Variants in UBE3C observed in about 807,000 individuals in gnomAD.
The protein encoded by UBE3C is ubiquitin-protein ligase E3C.
UBE3C carries 42 observed loss-of-function variants against 129.4 expected under a neutral mutation model. The ratio of observed to expected loss-of-function variants is 0.32; its 90% CI spans 0.25 to 0.42. The LOEUF is 0.42. Among genes scored for constraint, UBE3C ranks in the 10% least tolerant of loss-of-function variants. UBE3C has a pLI of 1.00. For missense variants in UBE3C, 1,049 were observed against 1,319.1 expected, an observed-to-expected ratio of 0.80 and a Z score of 3.17; for synonymous variants, 510 against 492.4, an observed-to-expected ratio of 1.04 and a Z score of -0.47.
chr7:157,257,634 G>T (rs974094625), intron 22 of UBE3C, among the ~76,000 whole-genome samples: 7 of 151,588 alleles, frequency 4.6e-5, no homozygotes, highest in Non-Finnish European at 1.0e-4. Flanking sequence ...TTACTTGGGA[G>T]GCTGAGGCAC....
At chr7:157,198,490 C>G (rs1413267589) in intron 10 of UBE3C, 1 of 416,002 alleles carries the variant, frequency 2.4e-6, no homozygotes, top group Non-Finnish European at 4.4e-6. Flanking sequence ...TCACCGAGCT[C>G]AGGGCCGCCG....
At chr7:157,177,929 GTT>G (rs3839850) in intron 5 of UBE3C, among the ~76,000 whole-genome samples, 1 of 140,978 alleles carries the variant, frequency 7.1e-6, no homozygotes, top group Admixed American at 7.1e-5. Context: ...GATGGATTCT[GTT>G]TTTTTTTTTT....
chr7:157,145,399 T>G (rs1010858610), intron 1 of UBE3C, among the ~76,000 whole-genome samples: 1 of 152,078 alleles, frequency 6.6e-6, no homozygotes, highest in Non-Finnish European at 1.5e-5. Context: ...GTGCCTGTAA[T>G]TGCAGCTACT....
At chr7:157,236,787 A>C (rs1796163576) in intron 18 of UBE3C, among the ~76,000 whole-genome samples, 1 of 151,630 alleles carries the variant, frequency 6.6e-6, no homozygotes, top group African/African-American at 2.4e-5. Context: ...GCTGGAGTGC[A>C]GTGGTGCGAT....
rs375199811 is a variant in UBE3C, at chr7:157,178,769, A to G, written c.538A>G (p.Thr180Ala). ...GCTTGAAGTATTTTCGTCTGAGAAT[A>G]CTTACTTGCCTGTTTTACAAGATGC... is the stretch of plus-strand genomic sequence containing the variant. ...RMLEVFSSEN[T>A]YLPVLQDASY... The change falls in exon 6 of 23, where the codon ACT becomes GCT. Residue 180 changes from threonine to alanine, a missense_variant. This residue lies in a region of UBE3C where 489 missense variants were observed against 513.8 expected (regional missense o/e 0.95). Transcript: ENST00000348165. 4 of 1,614,126 alleles carry G rather than the reference A, an allele frequency of 2.5e-6. No individual in the cohort carries two copies. The African/African-American group carries it at 5.3e-5, about 22-fold the overall frequency.
chr7:157,237,445 AAAAAG>A, intron 18 of UBE3C, among the ~76,000 whole-genome samples: 1 of 152,326 alleles, frequency 6.6e-6, no homozygotes, highest in Admixed American at 6.5e-5. Context: ...CGTCTCAAAA[AAAAAG>A]AAAAGATTTC....
At chr7:157,149,770 CTG>C (rs1398213032) in intron 1 of UBE3C, among the ~76,000 whole-genome samples, 1 of 152,206 alleles carries the variant, frequency 6.6e-6, no homozygotes. Context: ...GAGCTTCACT[CTG>C]TGACTTTTCT....
chr7:157,143,891 T>A (rs1807528167), intron 1 of UBE3C, among the ~76,000 whole-genome samples: 1 of 151,920 alleles, frequency 6.6e-6, no homozygotes, highest in Admixed American at 6.6e-5. Context: ...ACTGCAACAT[T>A]TAATATGTGT....
Position 157,191,071 on chromosome 7 carries a change from G to A in UBE3C, c.1331+4050G>A, listed in dbSNP as rs540244638. 2.4e-4 allele frequency among the ~76,000 whole-genome samples: 36 copies of A among 152,232 alleles called. 1 individual carries two copies. In the South Asian group the frequency reaches 5.6e-3, roughly 24 times the overall value. Reference sequence around the variant, plus strand: ...AAGAGGTTGATGTTATAATTTGCCCGTAGTTTCATTTAAATACATAAATCA... The same window carrying A: ...AAGAGGTTGATGTTATAATTTGCCCATAGTTTCATTTAAATACATAAATCA... On this transcript the variant is annotated intron_variant, in intron 10 of 22. Coordinates refer to ENST00000348165, the MANE Select transcript of UBE3C (RefSeq NM_014671.3).
intron 18 of UBE3C, among the ~76,000 whole-genome samples, chr7:157,243,019 C>G (rs540701684): frequency 1.3e-5 from 2 of 152,146 alleles, no homozygotes; most frequent in African/African-American, 2.4e-5. Context: ...TGTGCCACTG[C>G]TCTCCAGCCT....
At chr7:157,201,581 T>G in intron 10 of UBE3C, 140 bp from the exon 11 acceptor site, 10 of 516,700 alleles carry the variant, frequency 1.9e-5, no homozygotes, top group East Asian at 7.8e-5. Context: ...TGAGGCAGCT[T>G]TTTGTGGTAT....
intron 1 of UBE3C, among the ~76,000 whole-genome samples, chr7:157,142,965 T>C (rs1563025087): frequency 6.6e-6 from 1 of 151,936 alleles, no homozygotes; most frequent in Non-Finnish European, 1.5e-5. Context: ...CCTCCCGGGT[T>C]CAAGCGATTC....
intron 22 of UBE3C, among the ~76,000 whole-genome samples, chr7:157,266,110 C>G (rs1045930313): frequency 6.6e-6 from 1 of 151,984 alleles, no homozygotes; most frequent in Non-Finnish European, 1.5e-5. Flanking sequence ...GTCAGGAGAT[C>G]GAGATCATCC....
rs73743215 is a variant in UBE3C at position 157,173,446 on chromosome 7, A to G, written c.343-1473A>G. Among the ~76,000 whole-genome samples, 1,372 of 152,330 alleles carry G rather than the reference A, an allele frequency of 9.0e-3. 18 individuals carry two copies. Among genetic ancestry groups the G allele is most frequent in the African/African-American group, 0.032 (1,313 of 41,578 alleles). On this transcript the variant is annotated intron_variant, in intron 4 of 22. Coordinates refer to ENST00000348165, the MANE Select transcript of UBE3C (RefSeq NM_014671.3). ...AAATGTCTCCTGCCCCAGTCTTCAC[A>G]TTGTTTGCCTTCTACTCTAGGAGTA...
rs757868975 is a variant in UBE3C at position 157,231,098 on chromosome 7, G to A, written c.2252G>A (p.Arg751Gln). Residue 751 changes from arginine (R) to glutamine (Q), a missense_variant, in exon 18 of 23, where the codon CGG becomes CAG. Around this residue, in one of 4 missense-constraint regions of UBE3C, gnomAD observed 314 missense variants for 416.9 expected, o/e 0.75. Transcript: ENST00000348165. ...SPENEPDLKK[R>Q]IRVHLLNAHG... Reference sequence around the variant, plus strand: ...TTAACAGAGCCTGATTTGAAAAAGCGGATCCGTGTGCACTTGCTCAATGCC... The same window carrying A: ...TTAACAGAGCCTGATTTGAAAAAGCAGATCCGTGTGCACTTGCTCAATGCC... 12 of 1,613,374 alleles carry A rather than the reference G, an allele frequency of 7.4e-6. No homozygotes were observed. The highest frequency in any genetic ancestry group is 3.3e-5 in the South Asian group (3 of 90,866).
At chr7:157,212,543 C>T (rs577961137) in intron 13 of UBE3C, among the ~76,000 whole-genome samples, 2 of 152,246 alleles carry the variant, frequency 1.3e-5, no homozygotes, top group South Asian at 2.1e-4. Context: ...TCAAACATAG[C>T]GATCTTGTGA....
At chr7:157,261,476 A>G (rs1368697804) in intron 22 of UBE3C, among the ~76,000 whole-genome samples, 1 of 115,450 alleles carries the variant, frequency 8.7e-6, no homozygotes, top group African/African-American at 3.8e-5. Flanking sequence ...ATGTTCTAAC[A>G]TATGTGAAAT....
chr7:157,156,713 TAAA>T (rs555689452), intron 1 of UBE3C, among the ~76,000 whole-genome samples: 18 of 140,530 alleles, frequency 1.3e-4, no homozygotes, highest in African/African-American at 2.1e-4. Context: ...CCCTTCTTTT[TAAA>T]AAAAAAAAAA....
chr7:157,171,657 ATT>A (rs1326279576), intron 4 of UBE3C, among the ~76,000 whole-genome samples: 2 of 89,838 alleles, frequency 2.2e-5, no homozygotes, highest in Admixed American at 1.3e-4. Flanking sequence ...ATTTTTAAAT[ATT>A]TTATATATAT....
Sources: gnomAD v4.1 joint callset for allele counts (sites outside exome capture counted in the v4.1 genomes callset) on GRCh38, gnomAD v4.1.1 for gene constraint, gnomAD v4.1.1 regional missense constraint, MANE v1.5 for transcripts, NCBI Gene and HGNC (gene_info 2026-07-23, HGNC 2026-07-21) for gene names.